Variants in SEC16B observed in about 807,000 individuals in gnomAD.
The protein encoded by SEC16B is protein transport protein Sec16B.
Under a neutral mutation model 141.8 loss-of-function variants are expected in SEC16B, and 115 were observed. That is an observed-to-expected ratio of 0.81 (90% CI 0.70 to 0.95). The LOEUF is 0.95. Among genes scored for constraint, SEC16B ranks in the 40% least tolerant of loss-of-function variants. The pLI is 0.00. For missense variants in SEC16B, 1,291 were observed against 1,312.3 expected (o/e 0.98, Z 0.25); for synonymous variants, 493 against 492.5 (o/e 1.00, Z -0.01).
At chr1:177,944,761 T>G in intron 14 of SEC16B, 95 bp from the exon 15 acceptor site, 1 of 1,008,762 alleles carries the variant, frequency 9.9e-7, no homozygotes, top group Non-Finnish European at 1.5e-6. Flanking sequence ...CAGCCTTTCA[T>G]GGGGGAGTTT....
chr1:177,930,353 C>T (rs1354454848), intron 25 of SEC16B, among the ~76,000 whole-genome samples, 192 bp downstream of exon 25: 2 of 151,904 alleles, frequency 1.3e-5, no homozygotes, highest in East Asian at 1.9e-4. Flanking sequence ...GGTTCCAGGC[C>T]CTTCATATAC....
intron 11 of SEC16B, among the ~76,000 whole-genome samples, chr1:177,953,523 C>T (rs1322593866): frequency 6.6e-6 from 1 of 152,172 alleles, no homozygotes; most frequent in Non-Finnish European, 1.5e-5. Flanking sequence ...GGATGCTAGG[C>T]GGAGCCTGAA....
At chr1:177,943,644 T>G (rs1651449370) in intron 15 of SEC16B, among the ~76,000 whole-genome samples, 1 of 152,184 alleles carries the variant, frequency 6.6e-6, no homozygotes, top group African/African-American at 2.4e-5. Context: ...TACCTGTGCA[T>G]AAAAGTCAAG....
intron 10 of SEC16B, among the ~76,000 whole-genome samples, chr1:177,957,759 T>C (rs1652717920): frequency 6.6e-6 from 1 of 152,036 alleles, no homozygotes. Flanking sequence ...GTCTTATTCA[T>C]TCTAACTTTT....
Position 177,967,940 on chromosome 1 carries a change from C to T in SEC16B, c.42G>A (p.Gly14=). Residue 14 remains glycine, a synonymous_variant, in exon 2 of 26, where the codon GGG becomes GGA. Transcript: ENST00000308284. ...WAPQRLPQTR[G]KATAPSKDPD... is the part of the protein sequence containing the mutation. Reference sequence around the variant, plus strand: ...GATCCTTTGAGGGTGCTGTGGCCTTCCCTCGTGTCTGGGGCAGCCTCTGGG... The same window carrying T: ...GATCCTTTGAGGGTGCTGTGGCCTTTCCTCGTGTCTGGGGCAGCCTCTGGG... The T allele has an allele frequency of 6.2e-7, 1 of 1,613,338 alleles. No individual in the cohort carries two copies. The highest frequency in any genetic ancestry group is 1.3e-5 in the African/African-American group (1 of 75,034).
In SEC16B at chr1:177,949,632, T is replaced by C. The variant is rs57732548; in HGVS notation, c.1546-1690A>G. 1.1e-4 allele frequency among the ~76,000 whole-genome samples: 16 copies of C among 152,232 alleles called. No homozygotes were observed. In the East Asian group the frequency reaches 3.1e-3, roughly 29 times the overall value. On this transcript the variant is annotated intron_variant, in intron 12 of 25. Transcript: ENST00000308284. Reference sequence around the variant, plus strand: ...GTTCTCTCTCCCTTAATTTTCACAATAACTCTACTGGGCACCAAAATCCCC... The same window carrying C: ...GTTCTCTCTCCCTTAATTTTCACAACAACTCTACTGGGCACCAAAATCCCC...
At position 177,958,181 on chromosome 1, in the gene SEC16B, G is replaced by A. The variant is rs375241785; in HGVS notation, c.1316C>T (p.Ala439Val). The A allele has an allele frequency of 4.5e-5, 71 of 1,593,654 alleles. No homozygotes were observed. The highest frequency in any genetic ancestry group is 2.2e-4 in the Admixed American group (13 of 58,278). Residue 439 changes from alanine (A) to valine (V), a missense_variant, in exon 10 of 26, where the codon GCG (alanine) becomes GTG (valine). Coordinates refer to ENST00000308284, the MANE Select transcript of SEC16B (RefSeq NM_033127.4). ...CCTAGTGAATTTCTCCACGATCTGC[G>A]CAGGTGTCTCCACACTGGGGGGGAT... ...GEIPPSVETP[A>V]QIVEKFTRLL...
At chr1:177,946,626 C>CG (rs1160122219) in intron 13 of SEC16B, 95 bp from the exon 14 acceptor site, 10 of 922,306 alleles carry the variant, frequency 1.1e-5, no homozygotes, top group Middle Eastern at 3.3e-4. Flanking sequence ...AGAGTGGCCT[C>CG]GGGGGTCAGA....
At chr1:177,977,757 G>A (rs1017740269) in intron 1 of SEC16B, among the ~76,000 whole-genome samples, 5 of 152,140 alleles carry the variant, frequency 3.3e-5, no homozygotes, top group African/African-American at 1.2e-4. Flanking sequence ...TTGGGAAGTA[G>A]CAAAGGCCCA....
At chr1:177,970,670 GA>G (rs1218127567), upstream of SEC16B, among the ~76,000 whole-genome samples, 1 of 152,156 alleles carries the variant, frequency 6.6e-6, no homozygotes, top group Non-Finnish European at 1.5e-5. Context: ...CCCCAGTACT[GA>G]ACTGAAGGCA....
chr1:177,930,724 A>C, intron 24 of SEC16B, 81 bp from the exon 25 acceptor site: 1 of 960,900 alleles, frequency 1.0e-6, no homozygotes, highest in Non-Finnish European at 1.6e-6. Flanking sequence ...GAAGCATATC[A>C]GGATTATTTG....
chr1:177,954,366 TC>T lies in SEC16B; in HGVS notation c.1375del (p.Glu459SerfsTer4). 1 of 1,571,604 alleles carries T rather than the reference TC, an allele frequency of 6.4e-7. No individual in the cohort carries two copies. The highest frequency in any genetic ancestry group is 8.6e-7 in the Non-Finnish European group (1 of 1,157,418). ...LYYGRKKEAL[E>X]WAMKNHLWGH... ...CCACAAGTGGTTCTTCATGGCCCAC[TC>T]CAAGGCTTCCTGAAAACCAAAACAT... On this transcript the variant is annotated frameshift_variant, in exon 11 of 26. Coordinates refer to ENST00000308284, the MANE Select transcript of SEC16B (RefSeq NM_033127.4). LOFTEE classifies it high-confidence loss of function.
In SEC16B at chr1:177,944,013, A is replaced by G. The variant is rs144076246; in HGVS notation, c.1881+548T>C. On this transcript the variant is annotated intron_variant, in intron 15 of 25. Transcript: ENST00000308284. ...ACGAATGTAAGGTGACAACAGCATC[A>G]TGTAGAAACGTTGAGAAGAGGGCGG... Among the ~76,000 whole-genome samples the G allele has an allele frequency of 6.2e-4, 94 of 152,338 alleles. 1 individual carries two copies. In the East Asian group the frequency reaches 0.014, roughly 23 times the overall value.
chr1:177,949,500 A>G (rs886670782), intron 12 of SEC16B, among the ~76,000 whole-genome samples: 2 of 151,696 alleles, frequency 1.3e-5, no homozygotes, highest in African/African-American at 4.8e-5. Context: ...AAATCAGATC[A>G]ATGGAGAGGC....
intron 3 of SEC16B, 106 bp downstream of exon 3, chr1:177,965,787 T>C (rs1653467736): frequency 3.2e-6 from 2 of 634,224 alleles, no homozygotes; most frequent in Non-Finnish European, 5.5e-6. Flanking sequence ...CAAGAAAGGA[T>C]GCCCAAGGTG....
At chr1:177,937,895 C>A (rs562335903) in intron 18 of SEC16B, among the ~76,000 whole-genome samples, 1 of 152,202 alleles carries the variant, frequency 6.6e-6, no homozygotes, top group African/African-American at 2.4e-5. Context: ...AGTTTAGACA[C>A]AACTGACCAG....
rs1318709386 is a variant in SEC16B at position 177,960,814 on chromosome 1, G to A, written c.913C>T (p.Leu305Phe). The A allele has an allele frequency of 6.2e-7, 1 of 1,611,448 alleles. No homozygotes were observed. The highest frequency in any genetic ancestry group is 1.7e-5 in the Admixed American group (1 of 59,740). ...ACCTCCATGCTGTGCAGTTCAACAAGGGCTGCTTGCCCGTCAGTGGGAGAG... is the reference window on the plus strand; with the variant it reads ...ACCTCCATGCTGTGCAGTTCAACAAAGGCTGCTTGCCCGTCAGTGGGAGAG... ...PSSPTDGQAALVELHSMEVIL... is the reference protein window; with the variant it reads ...PSSPTDGQAAFVELHSMEVIL... Residue 305 changes from leucine to phenylalanine, a missense_variant, in exon 7 of 26, where the codon CTT becomes TTT. Transcript: ENST00000308284.
intron 10 of SEC16B, among the ~76,000 whole-genome samples, chr1:177,955,300 G>A (rs1652513691): frequency 6.6e-6 from 1 of 151,848 alleles, no homozygotes; most frequent in African/African-American, 2.4e-5. Context: ...TTTGAGACCA[G>A]CCCTGGCAAC....
At position 177,930,612 on chromosome 1, in the gene SEC16B, C is replaced by A. The variant is rs769464098; in HGVS notation, c.3044G>T (p.Gly1015Val). The A allele has an allele frequency of 6.8e-6, 11 of 1,613,486 alleles. No homozygotes were observed. In the African/African-American group the frequency reaches 1.5e-4, roughly 22 times the overall value. Residue 1015 changes from glycine (G) to valine (V), a missense_variant, in exon 25 of 26, where the codon GGT becomes GTT. Gly to Val is a moderately radical substitution (Grantham distance 109). Transcript: ENST00000308284. ...SVSFELCSNP[G>V]VLLPPPALKG... ...TAAGGCAGGTGGAGGAAGAAGAACA[C>A]CAGGGTTGGAGCAGAGCTCAAAGGA...
Sources: gnomAD v4.1 joint callset for allele counts (sites outside exome capture counted in the v4.1 genomes callset) on GRCh38, gnomAD v4.1.1 for gene constraint, MANE v1.5 for transcripts, NCBI Gene and HGNC (gene_info 2026-07-23, HGNC 2026-07-21) for gene names.